The following RRM2B variants were observed in gnomAD, a reference collection of about 807,000 sequenced individuals.
The protein encoded by RRM2B is ribonucleotide reductase regulatory TP53 inducible subunit M2B, also known as ribonucleoside-diphosphate reductase subunit M2 B.
In RRM2B, 20 loss-of-function variants were observed where a neutral mutation model predicts 45.9. That is an observed-to-expected ratio of 0.44 (90% CI 0.31 to 0.63). RRM2B has a LOEUF of 0.63. RRM2B is among the 30% of genes least tolerant of loss of function. RRM2B has a pLI of 0.09. For synonymous variants in RRM2B, 124 were observed against 132.3 expected (o/e 0.94, Z 0.43); for missense variants, 320 against 414.7 (o/e 0.77, Z 1.98).
intron 8 of RRM2B, among the ~76,000 whole-genome samples, chr8:102,209,918 T>C (rs992107842): frequency 1.3e-5 from 2 of 152,210 alleles, no homozygotes; most frequent in East Asian, 3.8e-4. Flanking sequence ...AAATAGAATA[T>C]GCAGAATAGG....
chr8:102,237,627 G>A (rs1811143580), intron 1 of RRM2B, among the ~76,000 whole-genome samples: 1 of 152,182 alleles, frequency 6.6e-6, no homozygotes, highest in Non-Finnish European at 1.5e-5. Context: ...TGTCCTTGCG[G>A]GTCTGTATCA....
intron 8 of RRM2B, among the ~76,000 whole-genome samples, chr8:102,209,818 T>C (rs1472668717): frequency 6.6e-6 from 1 of 152,202 alleles, no homozygotes; most frequent in Non-Finnish European, 1.5e-5. Context: ...AAAGCACTGA[T>C]ACATGCTACA....
intron 8 of RRM2B, among the ~76,000 whole-genome samples, chr8:102,209,966 C>T (rs1810607807): frequency 6.6e-6 from 1 of 152,058 alleles, no homozygotes; most frequent in South Asian, 2.1e-4. Flanking sequence ...TCTACAGACA[C>T]AAAAATTAGA....
intron 8 of RRM2B, among the ~76,000 whole-genome samples, chr8:102,212,229 A>G (rs1810646484): frequency 1.3e-5 from 2 of 152,230 alleles, no homozygotes; most frequent in Non-Finnish European, 2.9e-5. Flanking sequence ...TCACACAGCT[A>G]GAAAGTGGTG....
intron 6 of RRM2B, among the ~76,000 whole-genome samples, chr8:102,215,321 G>C (rs1810710546): frequency 6.6e-6 from 1 of 151,724 alleles, no homozygotes; most frequent in Non-Finnish European, 1.5e-5. Context: ...GAAGCAGGAA[G>C]ATTGCTTGAA....
At chr8:102,224,218 G>A in intron 4 of RRM2B, 78 bp from the exon 5 acceptor site, 1 of 999,606 alleles carries the variant, frequency 1.0e-6, no homozygotes, top group Non-Finnish European at 1.5e-6. Flanking sequence ...GTCTCGCTCT[G>A]TTGCCCAGGC....
At chr8:102,232,945 T>C (rs1388446015) in intron 1 of RRM2B, among the ~76,000 whole-genome samples, 1 of 152,202 alleles carries the variant, frequency 6.6e-6, no homozygotes, top group Non-Finnish European at 1.5e-5. Context: ...GTGAATAAAG[T>C]GAGAAACACA....
chr8:102,214,302 A>G, intron 6 of RRM2B, 144 bp from the exon 7 acceptor site: 1 of 672,858 alleles, frequency 1.5e-6, no homozygotes. Flanking sequence ...AGGACTAGGA[A>G]CTTCCTTCTT....
chr8:102,225,104 G>C, intron 3 of RRM2B, 86 bp from the exon 4 acceptor site: 2 of 1,411,956 alleles, frequency 1.4e-6, no homozygotes, highest in Non-Finnish European at 2.0e-6. Flanking sequence ...CAGCATTATC[G>C]CTTAAAAACT....
rs554145404 is a variant in RRM2B at position 102,219,486 on chromosome 8, T to C, written c.551-539A>G. Among the ~76,000 whole-genome samples, 25 of 152,344 alleles carry C rather than the reference T, an allele frequency of 1.6e-4. No homozygotes were observed. In the South Asian group the frequency reaches 5.0e-3, roughly 30 times the overall value. ...TAAACCCAACTGAGGATAATAAATA[T>C]ATCTATTAGATAAAATGTCCCCATA... On this transcript the variant is annotated intron_variant, in intron 5 of 8. Transcript: ENST00000251810.
chr8:102,218,745 T>C lies in RRM2B; in HGVS notation c.684+69A>G, dbSNP rs1156951726. On this transcript the variant is annotated intron_variant, in intron 6 of 8. Transcript: ENST00000251810. ...TGTCTCAAAAAAAAAAAAAAAAAGA[T>C]GGAAAAGAAAAATAGATGAACATCA... The C allele has an allele frequency of 8.7e-6, 11 of 1,266,048 alleles. No homozygotes were observed. In the Admixed American group the frequency reaches 1.3e-4, roughly 15 times the overall value. The allele number at this position is 1,266,048 out of a possible 1,614,324, so 78.4% of individuals were successfully genotyped here. A position where few individuals can be genotyped will look rare whatever the true frequency, so the allele number is the denominator to read the frequency against.
intron 6 of RRM2B, chr8:102,214,392 A>G (rs1445471842): frequency 4.0e-6 from 2 of 503,190 alleles, no homozygotes; most frequent in Non-Finnish European, 3.6e-6. Flanking sequence ...TCAACATTAT[A>G]GAAAAATTAA....
intron 1 of RRM2B, among the ~76,000 whole-genome samples, chr8:102,232,751 G>A (rs1384185622): frequency 6.6e-6 from 1 of 152,168 alleles, no homozygotes; most frequent in East Asian, 1.9e-4. Flanking sequence ...TAAGCTACTG[G>A]TATAAGCTAC....
chr8:102,226,125 A>AT, intron 2 of RRM2B, 91 bp from the exon 3 acceptor site: 1 of 775,986 alleles, frequency 1.3e-6, no homozygotes, highest in Non-Finnish European at 2.3e-6. Context: ...AAGTAGGAAT[A>AT]TCCCACTACC....
rs1402634230 is a variant in RRM2B at position 102,230,381 on chromosome 8, A to G, written c.204+1768T>C. Among the ~76,000 whole-genome samples, 9 of 152,260 alleles carry G rather than the reference A, an allele frequency of 5.9e-5. 1 individual carries two copies. ...AGTGTTGCTTTGTTACAGGTCACAT[A>G]TTACCTTTGCTAAAAGATGCAAGTT... On this transcript the variant is annotated intron_variant, in intron 2 of 8. Transcript: ENST00000251810.
At chr8:102,227,931 C>T (rs909281775) in intron 2 of RRM2B, among the ~76,000 whole-genome samples, 1 of 152,182 alleles carries the variant, frequency 6.6e-6, no homozygotes, top group East Asian at 1.9e-4. Context: ...AATACCATCA[C>T]ACAGCATATA....
intron 1 of RRM2B, chr8:102,238,410 A>C (rs1330752553): frequency 8.4e-6 from 5 of 597,422 alleles, no homozygotes; most frequent in South Asian, 7.6e-5. Context: ...GCGTTCTCCA[A>C]CTCCTTGTCA....
At chr8:102,214,438 T>C (rs1810690914) in intron 6 of RRM2B, 1 of 362,412 alleles carries the variant, frequency 2.8e-6, no homozygotes, top group African/African-American at 2.1e-5. Context: ...TAAAAGCATT[T>C]TGGAAAGGAA....
intron 1 of RRM2B, among the ~76,000 whole-genome samples, chr8:102,236,837 G>A (rs1180207358): frequency 6.6e-6 from 1 of 152,188 alleles, no homozygotes; most frequent in Non-Finnish European, 1.5e-5. Flanking sequence ...TCACCCAGTT[G>A]GAAGACATGC....
Sources: gnomAD v4.1 joint callset for allele counts (sites outside exome capture counted in the v4.1 genomes callset) on GRCh38, gnomAD v4.1.1 for gene constraint, MANE v1.5 for transcripts, NCBI Gene and HGNC (gene_info 2026-07-23, HGNC 2026-07-21) for gene names.